PELI2: variants seen among roughly 807,000 people sequenced by gnomAD.
The protein encoded by PELI2 is pellino E3 ubiquitin protein ligase family member 2, also known as E3 ubiquitin-protein ligase pellino homolog 2.
A neutral mutation model predicts 42.3 loss-of-function variants in PELI2; 23 were observed. That is an observed-to-expected ratio of 0.54 (90% CI 0.39 to 0.77). The LOEUF (loss-of-function observed/expected upper bound fraction) is 0.77, where lower values mean the gene tolerates loss of function less well. PELI2 is among the 30% of genes least tolerant of loss of function. The probability of loss-of-function intolerance (pLI) is 0.00; values close to 1 mark genes in which losing one functional copy is unlikely to be tolerated. For synonymous variants in PELI2, 245 were observed against 212.2 expected, an observed-to-expected ratio of 1.15 and a Z score of -1.34; for missense variants, 463 against 553.2, an observed-to-expected ratio of 0.84 and a Z score of 1.64.
At chr14:56,169,787 T>C (rs1310863138) in intron 1 of PELI2, among the ~76,000 whole-genome samples, 4 of 152,192 alleles carry the variant, frequency 2.6e-5, no homozygotes, top group Non-Finnish European at 5.9e-5. Flanking sequence ...TCCTCCTATA[T>C]GCAGCATTTC....
rs957332912 is a variant in PELI2, at chr14:56,300,280, T to C, written c.*3114T>C. Reference sequence around the variant, plus strand: ...GCCATTGGAAAAATGATGGGCTCCATTAAGGAGACTAATGAATCTGGATGC... The same window carrying C: ...GCCATTGGAAAAATGATGGGCTCCACTAAGGAGACTAATGAATCTGGATGC... On this transcript the variant is annotated 3_prime_UTR_variant, in exon 6 of 6. Transcript: ENST00000267460. 1 of 152,612 alleles carries C rather than the reference T, an allele frequency of 6.6e-6. No individual in the cohort carries two copies. Among genetic ancestry groups the C allele is most frequent in the Non-Finnish European group, 1.5e-5 (1 of 68,036 alleles). 9.5% of individuals were successfully genotyped at this position (152,612 alleles called of 1,614,324 possible). A position where few individuals can be genotyped will look rare whatever the true frequency, so the allele number is the denominator to read the frequency against.
At chr14:56,150,451 A>G (rs1490941175) in intron 1 of PELI2, among the ~76,000 whole-genome samples, 2 of 152,162 alleles carry the variant, frequency 1.3e-5, no homozygotes, top group Non-Finnish European at 2.9e-5. Context: ...TATACTCAGT[A>G]GTCACTTTAA....
intron 2 of PELI2, among the ~76,000 whole-genome samples, chr14:56,247,338 C>G (rs1051155359): frequency 6.6e-6 from 1 of 152,146 alleles, no homozygotes; most frequent in African/African-American, 2.4e-5. Context: ...ACAAAGTATA[C>G]TCTATCCCCT....
At chr14:56,161,335 T>G (rs1476094751) in intron 1 of PELI2, among the ~76,000 whole-genome samples, 1 of 151,786 alleles carries the variant, frequency 6.6e-6, no homozygotes, top group Non-Finnish European at 1.5e-5. Context: ...TTTGAAACAG[T>G]CTAGCTTTGG....
intron 1 of PELI2, among the ~76,000 whole-genome samples, chr14:56,143,045 A>G (rs985975408): frequency 6.6e-6 from 1 of 152,064 alleles, no homozygotes; most frequent in Non-Finnish European, 1.5e-5. Flanking sequence ...TTTTTCCCCA[A>G]TCCTTTTTTT....
chr14:56,155,126 C>G (rs944753539), intron 1 of PELI2, among the ~76,000 whole-genome samples: 5 of 151,884 alleles, frequency 3.3e-5, no homozygotes, highest in African/African-American at 9.7e-5. Flanking sequence ...AGACACGAGG[C>G]TTTTGTCATG....
At chr14:56,275,755 TAGC>T (rs984609828) in intron 2 of PELI2, among the ~76,000 whole-genome samples, 9 of 152,172 alleles carry the variant, frequency 5.9e-5, no homozygotes, top group African/African-American at 1.9e-4. Context: ...CACAGACTGA[TAGC>T]AGCCTGTGGC....
chr14:56,242,292 T>A (rs1888001774), intron 2 of PELI2, among the ~76,000 whole-genome samples: 1 of 152,248 alleles, frequency 6.6e-6, no homozygotes, highest in Non-Finnish European at 1.5e-5. Context: ...CTACAGACTC[T>A]GCTGTGAGCA....
intron 2 of PELI2, among the ~76,000 whole-genome samples, chr14:56,183,125 C>T (rs1885646150): frequency 1.3e-5 from 2 of 151,828 alleles, no homozygotes; most frequent in South Asian, 4.2e-4. Flanking sequence ...CTTAGAAGTT[C>T]AATAATTAAT....
At chr14:56,198,744 T>C (rs1287864908) in intron 2 of PELI2, among the ~76,000 whole-genome samples, 2 of 152,152 alleles carry the variant, frequency 1.3e-5, no homozygotes, top group East Asian at 3.9e-4. Flanking sequence ...TAGGAGAGCA[T>C]GCTTATATGC....
At chr14:56,205,176 G>C (rs1886473262) in intron 2 of PELI2, among the ~76,000 whole-genome samples, 1 of 152,156 alleles carries the variant, frequency 6.6e-6, no homozygotes, top group African/African-American at 2.4e-5. Flanking sequence ...GGTGCTCTTT[G>C]ACTAGAACAT....
intron 2 of PELI2, among the ~76,000 whole-genome samples, chr14:56,263,181 G>A (rs547283404): frequency 1.3e-5 from 2 of 152,206 alleles, no homozygotes; most frequent in African/African-American, 2.4e-5. Flanking sequence ...GGCTGGTGTC[G>A]AATTCCTGAC....
chr14:56,289,062 GAAC>G (rs1232545330), intron 4 of PELI2, among the ~76,000 whole-genome samples: 1 of 152,158 alleles, frequency 6.6e-6, no homozygotes, highest in Middle Eastern at 3.2e-3. Flanking sequence ...GGATTACAGA[GAAC>G]AACACAGACT....
At chr14:56,171,270 T>C (rs1408377379) in intron 1 of PELI2, among the ~76,000 whole-genome samples, 1 of 152,166 alleles carries the variant, frequency 6.6e-6, no homozygotes, top group Non-Finnish European at 1.5e-5. Context: ...AATGGTGTTA[T>C]ATCAGGAATG....
chr14:56,272,646 A>C (rs539290054), intron 2 of PELI2, among the ~76,000 whole-genome samples: 81 of 152,376 alleles, frequency 5.3e-4, no homozygotes, highest in African/African-American at 1.9e-3. Flanking sequence ...AATGATTCAC[A>C]GATACTTTTT....
intron 2 of PELI2, among the ~76,000 whole-genome samples, chr14:56,243,052 CTTATT>C (rs1201300141): frequency 6.6e-6 from 1 of 152,090 alleles, no homozygotes; most frequent in Non-Finnish European, 1.5e-5. Flanking sequence ...TCATCCGTGG[CTTATT>C]TTAAAGTATC....
Position 56,210,362 on chromosome 14 carries a change from A to G in PELI2, c.207+31898A>G, listed in dbSNP as rs765083178. On this transcript the variant is annotated intron_variant, in intron 2 of 5. Coordinates refer to ENST00000267460, the MANE Select transcript of PELI2 (RefSeq NM_021255.3). ...TCTTTGGGATGAGGATTGGGAAGTC[A>G]GTGTTGAAGAAGGGGCAGGTCAGTC... Among the ~76,000 whole-genome samples, 36 of 152,246 alleles carry G rather than the reference A, an allele frequency of 2.4e-4. No homozygotes were observed. In the Middle Eastern group the frequency reaches 0.017, roughly 72 times the overall value.
chr14:56,189,885 T>G (rs1457421167), intron 2 of PELI2, among the ~76,000 whole-genome samples: 7 of 152,366 alleles, frequency 4.6e-5, no homozygotes, highest in African/African-American at 1.7e-4. Context: ...TCTAAATTAG[T>G]TGAATATACT....
intron 1 of PELI2, among the ~76,000 whole-genome samples, chr14:56,149,923 C>T (rs1043654565): frequency 6.6e-6 from 1 of 152,026 alleles, no homozygotes; most frequent in Non-Finnish European, 1.5e-5. Flanking sequence ...TGGTACTGTT[C>T]GGAGATTTAA....
Sources: gnomAD v4.1 joint callset for allele counts (sites outside exome capture counted in the v4.1 genomes callset) on GRCh38, gnomAD v4.1.1 for gene constraint, MANE v1.5 for transcripts, NCBI Gene and HGNC (gene_info 2026-07-23, HGNC 2026-07-21) for gene names.